Variants in ATG16L2 observed in about 807,000 individuals in gnomAD.
ATG16L2 encodes the protein autophagy related 16 like 2.
Under a neutral mutation model 84.7 loss-of-function variants are expected in ATG16L2, and 77 were observed. The observed-to-expected ratio is 0.91, with a 90% CI of 0.76 to 1.10. The LOEUF (loss-of-function observed/expected upper bound fraction) is 1.10, where lower values mean the gene tolerates loss of function less well. Among genes scored for constraint, ATG16L2 ranks in the 50% least tolerant of loss-of-function variants. The pLI is 0.00. For missense variants in ATG16L2, 782 were observed against 817.6 expected (o/e 0.96, Z 0.53); for synonymous variants, 361 against 342.8 (o/e 1.05, Z -0.59).
intron 3 of ATG16L2, chr11:72,818,367 C>T (rs1859805398): frequency 6.4e-6 from 1 of 156,062 alleles, no homozygotes; most frequent in African/African-American, 2.4e-5. Context: ...TCTGAACTTC[C>T]TTCACTGGCT....
At chr11:72,821,494 T>C (rs1010997634) in intron 3 of ATG16L2, 174 bp from the exon 4 acceptor site, 28 of 1,416,352 alleles carry the variant, frequency 2.0e-5, no homozygotes, top group Non-Finnish European at 2.6e-5. Context: ...CTTCCACTGC[T>C]CCACAAACAG....
downstream of ATG16L2, among the ~76,000 whole-genome samples, chr11:72,831,453 T>A (rs1860604164): frequency 6.6e-6 from 1 of 152,200 alleles, no homozygotes; most frequent in South Asian, 2.1e-4. Context: ...TGCAGTGAGC[T>A]GAGAATGCGC....
chr11:72,838,713 A>G, intron 5 of ATG16L2: 3 of 1,186,258 alleles, frequency 2.5e-6, no homozygotes, highest in Non-Finnish European at 2.4e-6. Context: ...TCATCATGCA[A>G]AGGTGCCTAA....
rs952940100 is a variant in ATG16L2, at chr11:72,823,785, G to A, written c.825-275G>A. The A allele has an allele frequency of 7.0e-6, 4 of 568,276 alleles. No individual in the cohort carries two copies. The African/African-American group carries it at 7.4e-5, about 11-fold the overall frequency. 35.2% of individuals were successfully genotyped at this position (568,276 alleles called of 1,614,324 possible). On this transcript the variant is annotated intron_variant, in intron 7 of 17. Coordinates refer to ENST00000321297, the MANE Select transcript of ATG16L2 (RefSeq NM_033388.2). Reference sequence around the variant, plus strand: ...CTGTAGGCCCCGGCTCAGCTTCCCAGGAACTTTTGTTGGTGGGTACTAGTA... The same window carrying A: ...CTGTAGGCCCCGGCTCAGCTTCCCAAGAACTTTTGTTGGTGGGTACTAGTA...
chr11:72,837,323 T>G lies in ATG16L2; in HGVS notation c.*22-5294T>G, dbSNP rs532348821. ...TCAAAGAACTAAAAATTTCTTCAGT[T>G]ATCACCTTACTTTTGGTCAAAAATC... is the stretch of plus-strand genomic sequence containing the variant. On this transcript the variant is annotated intron_variant, in intron 5 of 5. Coordinates refer to the ATG16L2 transcript ENST00000534905. 1.3e-4 allele frequency: 20 copies of G among 152,708 alleles called. No homozygotes were observed. The East Asian group carries it at 3.9e-3, about 29-fold the overall frequency. The allele number at this position is 152,708 out of a possible 1,614,324, so 9.5% of individuals were successfully genotyped here.
chr11:72,829,023 G>T (rs1860527479), intron 17 of ATG16L2, 39 bp downstream of exon 17: 1 of 1,588,592 alleles, frequency 6.3e-7, no homozygotes, highest in Non-Finnish European at 8.6e-7. Context: ...CCTGGCCCCA[G>T]TCCTGCCAGG....
Position 72,840,764 on chromosome 11 carries a change from A to G in ATG16L2, c.*22-1853A>G. ...CTTTTTACCTTCCCAAACCCAGTTC[A>G]TCCTTGTTTGGCATAGTCAGTAACA... On this transcript the variant is annotated intron_variant, in intron 5 of 5. Coordinates refer to the ATG16L2 transcript ENST00000534905. 4.1e-6 allele frequency: 3 copies of G among 737,452 alleles called. No individual in the cohort carries two copies. In the South Asian group the frequency reaches 4.7e-5, roughly 11 times the overall value. The allele number at this position is 737,452 out of a possible 1,614,324, so 45.7% of individuals were successfully genotyped here.
rs1194272194 is a variant in ATG16L2 at position 72,814,563 on chromosome 11, T to C, written c.118T>C (p.Tyr40His). The stretch of plus-strand genomic sequence containing the variant: ...GCTTTTCCTGGAGCTGGTGCCGGCC[T>C]GTGAGTGCGCCCCGGTGCTGAGAGG... ...KALFLELVPA[Y>H]NHLLEKAELL... Residue 40 changes from tyrosine (Y) to histidine (H), a missense_variant and splice_region_variant, in exon 1 of 18, where the codon TAT becomes CAT. Transcript: ENST00000321297. The C allele has an allele frequency of 2.6e-5, 41 of 1,568,902 alleles. No individual in the cohort carries two copies. The highest frequency in any genetic ancestry group is 3.1e-5 in the Non-Finnish European group (36 of 1,154,992).
intron 13 of ATG16L2, 173 bp downstream of exon 13, chr11:72,826,996 G>A: frequency 1.1e-6 from 1 of 926,502 alleles, no homozygotes; most frequent in East Asian, 2.6e-5. Flanking sequence ...GGTGTTTTCT[G>A]TCTGGTTTCT....
rs1415244170 is a variant in ATG16L2, at chr11:72,822,285, C to T, written c.634C>T (p.Arg212Cys). The change falls in exon 5 of 18, where the codon CGC (arginine) becomes TGC (cysteine). Residue 212 changes from arginine (R) to cysteine (C), a missense_variant. Physicochemically the swap from Arg to Cys is radical, Grantham distance 180. Coordinates refer to ENST00000321297, the MANE Select transcript of ATG16L2 (RefSeq NM_033388.2). This position sits in a 1 kb window ranked among gnomAD's most constrained non-coding sequence, Gnocchi z 4.2. Reference sequence around the variant, plus strand: ...GGCCGAGCGCAACCTGCGCAACGAGCGCCGGGAGCGGTGAGGGAGCAGGCC... The same window carrying T: ...GGCCGAGCGCAACCTGCGCAACGAGTGCCGGGAGCGGTGAGGGAGCAGGCC... The part of the protein sequence containing the change: ...AAAERNLRNE[R>C]RERAKQARVS... The T allele has an allele frequency of 6.6e-7, 1 of 1,510,372 alleles. No homozygotes were observed. The highest frequency in any genetic ancestry group is 8.8e-7 in the Non-Finnish European group (1 of 1,138,382). The allele number at this position is 1,510,372 out of a possible 1,614,324, so 93.6% of individuals were successfully genotyped here. A position where few individuals can be genotyped will look rare whatever the true frequency, so the allele number is the denominator to read the frequency against.
At chr11:72,829,640 G>C, downstream of ATG16L2, 1 of 1,302,864 alleles carries the variant, frequency 7.7e-7, no homozygotes, top group Non-Finnish European at 9.8e-7. Flanking sequence ...TCTGAACTGC[G>C]TCTGCCTACC....
At chr11:72,821,989 CT>C (rs1860020838) in intron 4 of ATG16L2, 54 bp from the exon 5 acceptor site, 1 of 1,455,910 alleles carries the variant, frequency 6.9e-7, no homozygotes. Flanking sequence ...CATATTCCCA[CT>C]GGGCAGTGAC....
chr11:72,817,562 A>C (rs556085468), intron 2 of ATG16L2, among the ~76,000 whole-genome samples, 194 bp from the exon 3 acceptor site: 1 of 152,248 alleles, frequency 6.6e-6, no homozygotes, highest in Non-Finnish European at 1.5e-5. Flanking sequence ...GGCCTAGGGG[A>C]ATCTTAGAGC....
intron 3 of ATG16L2, chr11:72,818,885 C>G (rs115308215): frequency 6.6e-6 from 1 of 152,282 alleles, no homozygotes; most frequent in African/African-American, 2.4e-5. Context: ...AGTCACCTGC[C>G]CAACAGAAAT....
intron 5 of ATG16L2, chr11:72,840,942 C>G: frequency 6.2e-7 from 1 of 1,613,072 alleles, no homozygotes. Context: ...CCTGGTGACT[C>G]AGCATGAAGG....
At chr11:72,825,250 A>C (rs957732982) in intron 9 of ATG16L2, 52 bp from the exon 10 acceptor site, 58 of 1,461,218 alleles carry the variant, frequency 4.0e-5, no homozygotes, top group Non-Finnish European at 1.3e-5. Flanking sequence ...GTGAGCACTC[A>C]CAGAGACATG....
rs919624508 is a variant in ATG16L2, at chr11:72,816,911, C to T, written c.218+84C>T. 3.4e-6 allele frequency: 4 copies of T among 1,189,508 alleles called. No homozygotes were observed. The African/African-American group carries it at 6.0e-5, about 18-fold the overall frequency. The allele number at this position is 1,189,508 out of a possible 1,614,324, so 73.7% of individuals were successfully genotyped here. A position where few individuals can be genotyped will look rare whatever the true frequency, so the allele number is the denominator to read the frequency against. ...CTGCCTGTGCTGGGTTCATTCTCTC[C>T]CTAGTGCCTCATCAGCCCTTGGCTG... On this transcript the variant is annotated intron_variant, in intron 2 of 17. Transcript: ENST00000321297.
intron 5 of ATG16L2, chr11:72,838,833 C>A (rs1369836611): frequency 6.2e-7 from 1 of 1,608,280 alleles, no homozygotes; most frequent in Non-Finnish European, 8.5e-7. Context: ...TCTCTGCTGG[C>A]CTTCGGTGAT....
In ATG16L2 at chr11:72,829,134, C is replaced by T. The variant is rs1472497686; in HGVS notation, c.1772+150C>T. On this transcript the variant is annotated intron_variant, in intron 17 of 17. Transcript: ENST00000321297. Reference sequence around the variant, plus strand: ...CCTTTGCAGTTCACAAGGTACTTTCCACACGCACTTGGTTCCATCCTTTCC... The same window carrying T: ...CCTTTGCAGTTCACAAGGTACTTTCTACACGCACTTGGTTCCATCCTTTCC... The T allele has an allele frequency of 4.6e-6, 5 of 1,092,730 alleles. No homozygotes were observed. In the African/African-American group the frequency reaches 6.2e-5, roughly 14 times the overall value. 67.7% of individuals were successfully genotyped at this position (1,092,730 alleles called of 1,614,324 possible).
Sources: allele counts gnomAD v4.1 joint callset (sites outside exome capture counted in the v4.1 genomes callset), GRCh38; gene constraint gnomAD v4.1.1; non-coding constraint Gnocchi (gnomAD v3.1); transcripts MANE v1.5; gene names NCBI Gene and HGNC (gene_info 2026-07-23, HGNC 2026-07-21).